Variants in EPHA5 observed in about 807,000 individuals in gnomAD.
EPHA5 encodes EPH receptor A5, also known as ephrin type-A receptor 5.
A neutral mutation model predicts 105.0 loss-of-function variants in EPHA5; 60 were observed. The observed-to-expected ratio is 0.57, with a 90% CI of 0.46 to 0.71. The LOEUF (loss-of-function observed/expected upper bound fraction) is 0.71. Among genes scored for constraint, EPHA5 ranks in the 30% least tolerant of loss-of-function variants. The pLI is 0.00. For synonymous variants in EPHA5, 513 were observed against 449.1 expected (o/e 1.14, Z -1.80); for missense variants, 1,218 against 1,274.7 (o/e 0.96, Z 0.68).
At chr4:65,622,277 A>T (rs942792698) in intron 2 of EPHA5, among the ~76,000 whole-genome samples, 1 of 152,148 alleles carries the variant, frequency 6.6e-6, no homozygotes, top group African/African-American at 2.4e-5. Flanking sequence ...GTGTCTGGAT[A>T]GATAAACTGA....
At chr4:65,606,132 A>G (rs1008123083) in intron 2 of EPHA5, among the ~76,000 whole-genome samples, 1 of 151,810 alleles carries the variant, frequency 6.6e-6, no homozygotes, top group African/African-American at 2.4e-5. Context: ...GCTACACAAC[A>G]TTTTTTCCAG....
At chr4:65,633,366 A>AG (rs375343771) in intron 2 of EPHA5, among the ~76,000 whole-genome samples, 4 of 142,746 alleles carry the variant, frequency 2.8e-5, no homozygotes, top group Admixed American at 1.4e-4. Context: ...GAAGGATGAT[A>AG]GGAAAAAAAA....
Position 65,512,434 on chromosome 4 carries a change from G to T in EPHA5, c.911-16891C>A, listed in dbSNP as rs189881395. On this transcript the variant is annotated intron_variant, in intron 3 of 16. Coordinates refer to ENST00000613740, the MANE Select transcript of EPHA5 (RefSeq NM_001281766.3). ...CCCAATGTTGGAGGTAGGGCCTGGT[G>T]GGAGGCGATTGGATGATGGGGTTGC... is the stretch of plus-strand genomic sequence containing the variant. Among the ~76,000 whole-genome samples the T allele has an allele frequency of 2.1e-3, 313 of 152,214 alleles. 1 individual carries two copies. The highest frequency in any genetic ancestry group is 7.0e-3 in the African/African-American group (289 of 41,526).
chr4:65,615,647 AGT>A (rs1263162602), intron 2 of EPHA5, among the ~76,000 whole-genome samples: 3 of 151,972 alleles, frequency 2.0e-5, no homozygotes, highest in Non-Finnish European at 2.9e-5. Flanking sequence ...AATACTGAAA[AGT>A]GTATAAATAT....
At chr4:65,606,567 C>T (rs1377159908) in intron 2 of EPHA5, among the ~76,000 whole-genome samples, 2 of 152,054 alleles carry the variant, frequency 1.3e-5, no homozygotes, top group Admixed American at 6.5e-5. Context: ...GTCTTATTTC[C>T]ATTGTTGATA....
chr4:65,573,299 T>A (rs1287330571), intron 3 of EPHA5, among the ~76,000 whole-genome samples: 3 of 148,872 alleles, frequency 2.0e-5, no homozygotes, highest in African/African-American at 7.5e-5. Flanking sequence ...TGGTCCCAGC[T>A]ACTTGGGAGG....
At chr4:65,431,824 G>C (rs1006689440) in intron 5 of EPHA5, among the ~76,000 whole-genome samples, 13 of 152,136 alleles carry the variant, frequency 8.5e-5, no homozygotes, top group African/African-American at 2.7e-4. Context: ...CTTGAGCACA[G>C]AGAGTGGCCT....
intron 4 of EPHA5, 58 bp from the exon 5 acceptor site, chr4:65,490,770 A>G: frequency 6.6e-7 from 1 of 1,509,786 alleles, no homozygotes; most frequent in Non-Finnish European, 9.0e-7. Flanking sequence ...ATTAGGCATT[A>G]TTTATCACAC....
At chr4:65,502,185 T>C (rs1560614738) in intron 3 of EPHA5, among the ~76,000 whole-genome samples, 1 of 151,120 alleles carries the variant, frequency 6.6e-6, no homozygotes, top group Non-Finnish European at 1.5e-5. Context: ...TTCTAGACAT[T>C]GACTTTGAAA....
At chr4:65,420,716 T>C (rs1281396724) in intron 5 of EPHA5, 151 bp from the exon 6 acceptor site, 2 of 617,008 alleles carry the variant, frequency 3.2e-6, no homozygotes, top group South Asian at 3.7e-5. Flanking sequence ...GGTTTAAAGA[T>C]TGTGAAGATT....
intron 3 of EPHA5, among the ~76,000 whole-genome samples, chr4:65,561,297 G>A (rs972698382): frequency 6.6e-6 from 1 of 152,028 alleles, no homozygotes; most frequent in East Asian, 1.9e-4. Flanking sequence ...CATGACAGCA[G>A]CATCACTAGA....
At chr4:65,433,195 T>C (rs541137373) in intron 5 of EPHA5, among the ~76,000 whole-genome samples, 1 of 152,330 alleles carries the variant, frequency 6.6e-6, no homozygotes, top group East Asian at 1.9e-4. Context: ...CATAGTTCTG[T>C]ATATAACTTA....
chr4:65,599,348 AACACACACACACAC>A (rs71657190), intron 3 of EPHA5, among the ~76,000 whole-genome samples: 2 of 148,564 alleles, frequency 1.3e-5, no homozygotes, highest in Non-Finnish European at 3.0e-5. Flanking sequence ...GGCATTTTAT[AACACACACACACAC>A]ACACACACAC....
At chr4:65,388,907 G>A (rs896127654) in intron 8 of EPHA5, among the ~76,000 whole-genome samples, 1 of 151,876 alleles carries the variant, frequency 6.6e-6, no homozygotes, top group Non-Finnish European at 1.5e-5. Context: ...TGTCCTGAAT[G>A]GTAATGCCTA....
intron 1 of EPHA5, among the ~76,000 whole-genome samples, chr4:65,668,150 G>A (rs1222941402): frequency 1.3e-5 from 2 of 152,146 alleles, no homozygotes; most frequent in Non-Finnish European, 2.9e-5. Flanking sequence ...AGAGGTTAAA[G>A]AGAAAGTTCA....
intron 5 of EPHA5, among the ~76,000 whole-genome samples, chr4:65,465,519 GAAAGAAAGA>G (rs1315458687): frequency 1.1e-5 from 1 of 86,976 alleles, no homozygotes; most frequent in Non-Finnish European, 2.4e-5. Context: ...AAGAAAGAAA[GAAAGAAAGA>G]AAAGAAAGGA....
chr4:65,441,495 T>C (rs1189009213), intron 5 of EPHA5, among the ~76,000 whole-genome samples: 1 of 151,982 alleles, frequency 6.6e-6, no homozygotes, highest in East Asian at 1.9e-4. Flanking sequence ...AAATGCTCAC[T>C]CTGGTATTAC....
At chr4:65,596,431 A>C (rs1300092464) in intron 3 of EPHA5, among the ~76,000 whole-genome samples, 2 of 152,114 alleles carry the variant, frequency 1.3e-5, no homozygotes, top group Admixed American at 6.6e-5. Flanking sequence ...CCAAAATATC[A>C]AAACTCCAGT....
At chr4:65,367,991 G>T (rs562684240) in intron 8 of EPHA5, among the ~76,000 whole-genome samples, 2 of 151,708 alleles carry the variant, frequency 1.3e-5, no homozygotes, top group South Asian at 4.2e-4. Context: ...GTCTCTCTTC[G>T]TTTTCTCAAT....
Sources: gnomAD v4.1 joint callset for allele counts (sites outside exome capture counted in the v4.1 genomes callset) on GRCh38, gnomAD v4.1.1 for gene constraint, MANE v1.5 for transcripts, NCBI Gene and HGNC (gene_info 2026-07-23, HGNC 2026-07-21) for gene names.